The following JAZF1 variants were observed in gnomAD, a reference collection of about 807,000 sequenced individuals.
JAZF1 encodes juxtaposed with another zinc finger protein 1.
JAZF1 carries 8 observed loss-of-function variants against 26.4 expected under a neutral mutation model. That is an observed-to-expected ratio of 0.30 (90% CI 0.18 to 0.55). The LOEUF (loss-of-function observed/expected upper bound fraction) is 0.55, where lower values mean the gene tolerates loss of function less well. Among genes scored for constraint, JAZF1 ranks in the 20% least tolerant of loss-of-function variants. The pLI, the probability that JAZF1 is intolerant of heterozygous loss-of-function variation, is 0.94. For synonymous variants in JAZF1, 126 were observed against 122.3 expected (o/e 1.03, Z -0.20); for missense variants, 199 against 322.0 (o/e 0.62, Z 2.92).
At chr7:27,968,139 G>A (rs1785311301) in intron 2 of JAZF1, among the ~76,000 whole-genome samples, 1 of 152,198 alleles carries the variant, frequency 6.6e-6, no homozygotes, top group Admixed American at 6.5e-5. Context: ...AACACATGCA[G>A]TAATATGGAA....
chr7:27,854,106 T>C (rs911596011), intron 3 of JAZF1, among the ~76,000 whole-genome samples: 7 of 152,226 alleles, frequency 4.6e-5, no homozygotes, highest in Non-Finnish European at 1.0e-4. Flanking sequence ...GTTGCATGGA[T>C]CCCTTTACCA....
chr7:28,001,702 C>T (rs1422075825), intron 1 of JAZF1, among the ~76,000 whole-genome samples: 4 of 151,532 alleles, frequency 2.6e-5, no homozygotes. Context: ...AAAAGGCTTG[C>T]AATGCTTTCC....
At chr7:27,983,941 C>T (rs922664567) in intron 2 of JAZF1, among the ~76,000 whole-genome samples, 2 of 152,310 alleles carry the variant, frequency 1.3e-5, no homozygotes, top group African/African-American at 4.8e-5. Context: ...ACAAGAGCTC[C>T]TGAAGGAAGC....
At chr7:28,171,619 A>G (rs113818875) in intron 1 of JAZF1, among the ~76,000 whole-genome samples, 7 of 152,194 alleles carry the variant, frequency 4.6e-5, no homozygotes, top group African/African-American at 1.4e-4. Flanking sequence ...TAAAATAATG[A>G]TATTTATTGA....
chr7:27,992,093 C>T, intron 1 of JAZF1, 112 bp from the exon 2 acceptor site: 1 of 747,858 alleles, frequency 1.3e-6, no homozygotes, highest in South Asian at 1.4e-5. Context: ...TTTAGTACAC[C>T]ACTTTTTAAA....
At chr7:28,135,067 A>C (rs1325586913) in intron 1 of JAZF1, among the ~76,000 whole-genome samples, 1 of 152,254 alleles carries the variant, frequency 6.6e-6, no homozygotes, top group Non-Finnish European at 1.5e-5. Flanking sequence ...TAACTGGGTG[A>C]TTGTAGGGAA....
At chr7:27,833,098 G>T in intron 4 of JAZF1, 122 bp from the exon 5 acceptor site, 1 of 680,258 alleles carries the variant, frequency 1.5e-6, no homozygotes, top group Non-Finnish European at 2.4e-6. Flanking sequence ...GTAGTCTTTT[G>T]CAAGGACTCC....
intron 2 of JAZF1, among the ~76,000 whole-genome samples, chr7:27,907,938 T>G (rs1426192224): frequency 6.6e-6 from 1 of 152,194 alleles, no homozygotes; most frequent in Non-Finnish European, 1.5e-5. Context: ...GAAGGTGACA[T>G]GTAAGCTGAA....
intron 1 of JAZF1, among the ~76,000 whole-genome samples, chr7:28,025,373 A>T (rs1457269903): frequency 6.6e-6 from 1 of 152,224 alleles, no homozygotes; most frequent in Non-Finnish European, 1.5e-5. Flanking sequence ...GCAACATCGT[A>T]TCTAAATCCT....
chr7:28,031,936 A>G (rs560641278), intron 1 of JAZF1, among the ~76,000 whole-genome samples: 1 of 151,738 alleles, frequency 6.6e-6, no homozygotes, highest in East Asian at 2.0e-4. Context: ...CTCTCTGGGA[A>G]GAGACAGGAT....
chr7:28,175,810 C>T (rs532981006), intron 1 of JAZF1, among the ~76,000 whole-genome samples: 7 of 152,278 alleles, frequency 4.6e-5, no homozygotes, highest in South Asian at 2.1e-4. Flanking sequence ...ACATCAGCCA[C>T]GAAAGCTCAG....
At chr7:27,931,114 A>T in intron 2 of JAZF1, among the ~76,000 whole-genome samples, 1 of 152,214 alleles carries the variant, frequency 6.6e-6, no homozygotes, top group East Asian at 1.9e-4. Flanking sequence ...CAATGAGATT[A>T]CATGTAGAGC....
At chr7:28,155,629 AC>A (rs1201735686) in intron 1 of JAZF1, among the ~76,000 whole-genome samples, 3 of 152,212 alleles carry the variant, frequency 2.0e-5, no homozygotes, top group African/African-American at 7.2e-5. Flanking sequence ...GGTACTGAAC[AC>A]AGTATGGAGG....
intron 2 of JAZF1, among the ~76,000 whole-genome samples, chr7:27,928,186 G>A (rs1204419006): frequency 6.6e-6 from 1 of 152,146 alleles, no homozygotes; most frequent in African/African-American, 2.4e-5. Context: ...GGCCTATCTG[G>A]TTTCAGTTAG....
At chr7:27,853,159 C>A (rs1057499784) in intron 3 of JAZF1, among the ~76,000 whole-genome samples, 6 of 152,156 alleles carry the variant, frequency 3.9e-5, no homozygotes, top group African/African-American at 1.4e-4. Flanking sequence ...CTACTGATTT[C>A]CTACTATGGA....
chr7:27,874,235 C>T (rs868702242), intron 3 of JAZF1, among the ~76,000 whole-genome samples: 1 of 152,220 alleles, frequency 6.6e-6, no homozygotes, highest in Non-Finnish European at 1.5e-5. Flanking sequence ...ACCCATGTGG[C>T]TGAAGGAGCT....
intron 2 of JAZF1, among the ~76,000 whole-genome samples, chr7:27,936,198 G>A (rs982232763): frequency 1.3e-5 from 2 of 152,198 alleles, no homozygotes; most frequent in East Asian, 3.9e-4. Flanking sequence ...TTAGGGAAAA[G>A]AGAGATGACA....
intron 1 of JAZF1, among the ~76,000 whole-genome samples, chr7:28,169,776 T>C (rs1205772692): frequency 6.6e-6 from 1 of 152,218 alleles, no homozygotes; most frequent in Non-Finnish European, 1.5e-5. Context: ...AACAGAAAAC[T>C]GTACAAGTAT....
At chr7:27,943,337 G>T (rs1261096353) in intron 2 of JAZF1, among the ~76,000 whole-genome samples, 1 of 152,158 alleles carries the variant, frequency 6.6e-6, no homozygotes, top group Non-Finnish European at 1.5e-5. Context: ...TAAGGCTCAG[G>T]GTCGTGGGAA....
Sources: allele counts gnomAD v4.1 joint callset (sites outside exome capture counted in the v4.1 genomes callset), GRCh38; gene constraint gnomAD v4.1.1; transcripts MANE v1.5; gene names NCBI Gene and HGNC (gene_info 2026-07-23, HGNC 2026-07-21).